SHANK2: variants seen among roughly 807,000 people sequenced by gnomAD.
The protein encoded by SHANK2 is SH3 and multiple ankyrin repeat domains 2, also known as SH3 and multiple ankyrin repeat domains protein 2.
In SHANK2, 43 loss-of-function variants were observed where a neutral mutation model predicts 133.7. The observed-to-expected ratio is 0.32, with a 90% CI of 0.25 to 0.41. The LOEUF is 0.41. SHANK2 is among the 10% of genes least tolerant of loss of function. SHANK2 has a pLI of 1.00. For missense variants in SHANK2, 1,994 were observed against 2,235.8 expected, an observed-to-expected ratio of 0.89 and a Z score of 2.18; for synonymous variants, 1,017 against 952.8, an observed-to-expected ratio of 1.07 and a Z score of -1.24.
At chr11:71,208,219 C>T (rs1555118320) in intron 2 of SHANK2, among the ~76,000 whole-genome samples, 1 of 151,958 alleles carries the variant, frequency 6.6e-6, no homozygotes, top group Admixed American at 6.5e-5. Flanking sequence ...GGGGCATGAG[C>T]TGGAAGTGGG....
intron 2 of SHANK2, among the ~76,000 whole-genome samples, chr11:71,185,982 C>T (rs868957154): frequency 6.6e-6 from 1 of 152,194 alleles, no homozygotes; most frequent in Non-Finnish European, 1.5e-5. Context: ...GGTACGGTGA[C>T]ACCCCCAAAG....
chr11:70,570,064 G>A (rs2060026518), intron 17 of SHANK2, among the ~76,000 whole-genome samples: 1 of 152,172 alleles, frequency 6.6e-6, no homozygotes, highest in Non-Finnish European at 1.5e-5. Flanking sequence ...CTGTTCGGTT[G>A]GGCCTCATAA....
At chr11:70,661,721 G>T (rs782586642) in intron 15 of SHANK2, 43 bp from the exon 16 acceptor site, 1 of 1,613,928 alleles carries the variant, frequency 6.2e-7, no homozygotes, top group Non-Finnish European at 8.5e-7. Flanking sequence ...ATTGTAGCCC[G>T]TCATCATCAC....
intron 3 of SHANK2, among the ~76,000 whole-genome samples, chr11:71,140,854 T>TGGCTGCCTTCCTGCC: frequency 6.6e-6 from 1 of 152,360 alleles, no homozygotes; most frequent in Non-Finnish European, 1.5e-5. Flanking sequence ...CGCTGCCTGC[T>TGGCTGCCTTCCTGCC]GGCTGCCTTC....
intron 23 of SHANK2, 96 bp from the exon 24 acceptor site, chr11:70,489,444 G>A: frequency 8.5e-7 from 1 of 1,176,728 alleles, no homozygotes; most frequent in Non-Finnish European, 1.3e-6. Context: ...TTTAAGCACA[G>A]CAGACACCAC....
chr11:70,792,394 G>GCCAACCAACCAA (rs57783483), intron 14 of SHANK2, among the ~76,000 whole-genome samples: 72 of 144,194 alleles, frequency 5.0e-4, no homozygotes, highest in Admixed American at 7.7e-4. Flanking sequence ...CAGCCAACCA[G>GCCAACCAACCAA]CCAACCAACC....
Position 70,471,330 on chromosome 11 carries a change from A to G in SHANK2, c.*1539T>C, listed in dbSNP as rs2058595779. On this transcript the variant is annotated 3_prime_UTR_variant, in exon 26 of 26. Transcript: ENST00000601538. The surrounding 1 kb of genome is among the most constrained non-coding windows in gnomAD (Gnocchi z 4.1). ...GCTGAGCTAGTTCTGAAATAATAAT[A>G]AAACCAAAAACCTGACATTCGAGTA... The G allele has an allele frequency of 2.5e-6, 1 of 399,006 alleles. No homozygotes were observed. Among genetic ancestry groups the G allele is most frequent in the Non-Finnish European group, 4.4e-6 (1 of 226,066 alleles). The allele number at this position is 399,006 out of a possible 1,614,324, so 24.7% of individuals were successfully genotyped here. A position where few individuals can be genotyped will look rare whatever the true frequency, so the allele number is the denominator to read the frequency against.
At chr11:70,954,021 CA>C (rs1950881623) in intron 10 of SHANK2, among the ~76,000 whole-genome samples, 1 of 152,186 alleles carries the variant, frequency 6.6e-6, no homozygotes, top group Admixed American at 6.5e-5. Context: ...ACAATTTGCC[CA>C]CATCAGCTCA....
chr11:70,487,534 A>T lies in SHANK2; in HGVS notation c.2759T>A (p.Ile920Asn). 6.2e-7 allele frequency: 1 copy of T among 1,613,468 alleles called. No individual in the cohort carries two copies. Among genetic ancestry groups the T allele is most frequent in the Non-Finnish European group, 8.5e-7 (1 of 1,179,922 alleles). ...AGAATTCTGATTGAACGCAGGCTTAATCGTCCCGTAGACTCTTGGAGTTGG... is the reference window on the plus strand; with the variant it reads ...AGAATTCTGATTGAACGCAGGCTTATTCGTCCCGTAGACTCTTGGAGTTGG... ...KSPTPRVYGT[I>N]KPAFNQNSAA... Residue 920 changes from isoleucine to asparagine, a missense_variant, in exon 25 of 26, where the codon ATT becomes AAT. Around this residue, in one of 5 missense-constraint regions of SHANK2, gnomAD observed 488 missense variants for 642.6 expected, o/e 0.76. Transcript: ENST00000601538. This position sits in a 1 kb window ranked among gnomAD's most constrained non-coding sequence, Gnocchi z 5.8.
chr11:70,940,458 C>G (rs1242095758), intron 10 of SHANK2, among the ~76,000 whole-genome samples: 2 of 151,720 alleles, frequency 1.3e-5, no homozygotes, highest in African/African-American at 4.8e-5. Flanking sequence ...TTTCACCATG[C>G]TGGCCAGGCT....
chr11:71,151,483 AC>A (rs1321527727), intron 2 of SHANK2, among the ~76,000 whole-genome samples: 1 of 151,536 alleles, frequency 6.6e-6, no homozygotes, highest in Non-Finnish European at 1.5e-5. Flanking sequence ...CTGCGATGCC[AC>A]CCCCATTTCA....
rs923842934 is a variant in SHANK2 at position 70,500,493 on chromosome 11, C to T, written c.2308+77G>A. The T allele has an allele frequency of 1.7e-4, 262 of 1,548,016 alleles. No homozygotes were observed. The highest frequency in any genetic ancestry group is 2.2e-4 in the Non-Finnish European group (249 of 1,140,396). ...GCTTTGCGACACATTTGAGACTTCA[C>T]GGCATCACAAAGGATGTTTCTGTTC... On this transcript the variant is annotated intron_variant, in intron 21 of 25. Coordinates refer to ENST00000601538, the MANE Select transcript of SHANK2 (RefSeq NM_012309.5). This position sits in a 1 kb window ranked among gnomAD's most constrained non-coding sequence, Gnocchi z 4.5.
chr11:70,599,921 A>AAGAAAGAAAGAAAGAT (rs2060465427), intron 17 of SHANK2, among the ~76,000 whole-genome samples: 1 of 61,222 alleles, frequency 1.6e-5, no homozygotes, highest in African/African-American at 6.7e-5. Flanking sequence ...GAAAGAAAGA[A>AAGAAAGAAAGAAAGAT]AGAAAGAAAG....
intron 11 of SHANK2, among the ~76,000 whole-genome samples, chr11:70,891,055 T>G (rs1949837615): frequency 6.6e-6 from 1 of 152,108 alleles, no homozygotes; most frequent in Non-Finnish European, 1.5e-5. Flanking sequence ...GACCTGCCAT[T>G]TCAGGTACCT....
At chr11:71,246,077 G>A (rs1476549601) in intron 1 of SHANK2, among the ~76,000 whole-genome samples, 1 of 152,146 alleles carries the variant, frequency 6.6e-6, no homozygotes, top group Non-Finnish European at 1.5e-5. Context: ...CCACTCCCCA[G>A]GAAGCCTGCA....
intron 11 of SHANK2, among the ~76,000 whole-genome samples, chr11:70,883,079 C>A (rs1949682154): frequency 6.6e-6 from 1 of 152,248 alleles, no homozygotes; most frequent in African/African-American, 2.4e-5. Flanking sequence ...GTTCCAGCCC[C>A]AGCTGCATCC....
intron 14 of SHANK2, among the ~76,000 whole-genome samples, chr11:70,780,141 T>C (rs2135104393): frequency 6.6e-6 from 1 of 152,328 alleles, no homozygotes; most frequent in East Asian, 1.9e-4. Flanking sequence ...AGCAGCTGGA[T>C]CCAACTATGC....
At chr11:71,112,068 A>G (rs1329626911) in intron 5 of SHANK2, among the ~76,000 whole-genome samples, 3 of 152,188 alleles carry the variant, frequency 2.0e-5, no homozygotes, top group Non-Finnish European at 4.4e-5. Flanking sequence ...AAAAATCAAT[A>G]ATGATAATGA....
chr11:71,243,298 C>T (rs1036612016), intron 1 of SHANK2, among the ~76,000 whole-genome samples: 5 of 152,030 alleles, frequency 3.3e-5, no homozygotes, highest in South Asian at 2.1e-4. Flanking sequence ...AAAAGATCAA[C>T]GAAATTTACA....
Sources: gnomAD v4.1 joint callset for allele counts (sites outside exome capture counted in the v4.1 genomes callset) on GRCh38, gnomAD v4.1.1 for gene constraint, gnomAD v4.1.1 regional missense constraint, Gnocchi (gnomAD v3.1) non-coding constraint, MANE v1.5 for transcripts, NCBI Gene and HGNC (gene_info 2026-07-23, HGNC 2026-07-21) for gene names.